The following SEMA3D variants were observed in gnomAD, a reference collection of about 807,000 sequenced individuals.
The protein encoded by SEMA3D is semaphorin 3D.
A neutral mutation model predicts 100.1 loss-of-function variants in SEMA3D; 84 were observed. The observed-to-expected ratio is 0.84, with a 90% CI of 0.70 to 1.01. The LOEUF (loss-of-function observed/expected upper bound fraction) is 1.01, where lower values mean the gene tolerates loss of function less well. Ranked by LOEUF, SEMA3D falls within the 50% of genes least tolerant of loss-of-function variation. The probability of loss-of-function intolerance (pLI) is 0.00; values close to 1 mark genes in which losing one functional copy is unlikely to be tolerated. For synonymous variants in SEMA3D, 312 were observed against 320.7 expected (o/e 0.97, Z 0.29); for missense variants, 875 against 934.1 (o/e 0.94, Z 0.82).
At chr7:85,210,219 A>G in the SEMA3D span, among the ~76,000 whole-genome samples, 40 of 152,232 alleles carry the variant, frequency 2.6e-4, no homozygotes, top group South Asian at 8.3e-3. Context: ...CTGGGTCTCT[A>G]CATTAGGGAA....
chr7:85,131,444 G>T (rs1789722590), intron 2 of SEMA3D, among the ~76,000 whole-genome samples: 1 of 151,914 alleles, frequency 6.6e-6, no homozygotes, highest in Admixed American at 6.6e-5. Context: ...AATTTATCAA[G>T]AAAGAGAAAA....
At chr7:85,098,047 A>T in intron 3 of SEMA3D, 82 bp from the exon 4 acceptor site, 3 of 736,822 alleles carry the variant, frequency 4.1e-6, no homozygotes, top group Non-Finnish European at 6.3e-6. Context: ...AGAAGAAAGA[A>T]AAAGAAAGGA....
At chr7:85,114,928 C>T (rs1234814756) in intron 3 of SEMA3D, among the ~76,000 whole-genome samples, 2 of 151,982 alleles carry the variant, frequency 1.3e-5, no homozygotes, top group East Asian at 3.9e-4. Context: ...AATCACTTTT[C>T]TATGAAATTT....
At chr7:85,005,878 G>A (rs147702972) in intron 18 of SEMA3D, among the ~76,000 whole-genome samples, 23 of 152,070 alleles carry the variant, frequency 1.5e-4, no homozygotes, top group Non-Finnish European at 3.2e-4. Context: ...ATGTACTAAT[G>A]TTTGACTTAA....
At chr7:85,019,537 T>G (rs1452757270) in intron 14 of SEMA3D, among the ~76,000 whole-genome samples, 1 of 151,782 alleles carries the variant, frequency 6.6e-6, no homozygotes, top group African/African-American at 2.4e-5. Context: ...CAATCCATTT[T>G]AATAAACTGT....
At chr7:85,066,531 G>T (rs1358730714) in intron 7 of SEMA3D, among the ~76,000 whole-genome samples, 2 of 151,972 alleles carry the variant, frequency 1.3e-5, no homozygotes, top group African/African-American at 4.8e-5. Context: ...GGAGGGGCAG[G>T]AAGAAGGCTG....
chr7:85,049,891 C>A (rs748665593), intron 9 of SEMA3D, among the ~76,000 whole-genome samples: 3 of 151,782 alleles, frequency 2.0e-5, no homozygotes, highest in East Asian at 3.9e-4. Context: ...AAAAAGAGAA[C>A]TGGCATAACC....
At chr7:85,120,749 GATA>G (rs1789386803) in intron 3 of SEMA3D, among the ~76,000 whole-genome samples, 1 of 150,170 alleles carries the variant, frequency 6.7e-6, no homozygotes. Context: ...AATTTTTCCA[GATA>G]AAAACGTCCT....
chr7:85,213,294 TA>T, the SEMA3D span, among the ~76,000 whole-genome samples: 1 of 152,010 alleles, frequency 6.6e-6, no homozygotes, highest in Non-Finnish European at 1.5e-5. Context: ...AAGACTTTAC[TA>T]GATTTTTGAA....
At chr7:85,122,558 T>C (rs908617148) in intron 2 of SEMA3D, among the ~76,000 whole-genome samples, 2 of 152,206 alleles carry the variant, frequency 1.3e-5, no homozygotes, top group Non-Finnish European at 2.9e-5. Context: ...CCACTTTCAC[T>C]GGTAGAAGCC....
chr7:85,122,066 A>G (rs1789435258), intron 2 of SEMA3D, 135 bp from the exon 3 acceptor site: 2 of 518,930 alleles, frequency 3.9e-6, no homozygotes, highest in Non-Finnish European at 6.7e-6. Flanking sequence ...GGAGGGGAAC[A>G]TAGCATACCA....
At chr7:85,177,570 TA>T (rs1441567961) in intron 1 of SEMA3D, among the ~76,000 whole-genome samples, 2 of 152,154 alleles carry the variant, frequency 1.3e-5, no homozygotes, top group Admixed American at 1.3e-4. Context: ...AAGACAGATG[TA>T]AAAAATGCAC....
chr7:85,233,924 G>T, the SEMA3D span, among the ~76,000 whole-genome samples: 1 of 152,138 alleles, frequency 6.6e-6, no homozygotes. Context: ...TAGATCAGGG[G>T]AAAATGCCAT....
intron 3 of SEMA3D, among the ~76,000 whole-genome samples, chr7:85,105,292 A>G (rs890548795): frequency 2.0e-5 from 3 of 152,170 alleles, no homozygotes; most frequent in African/African-American, 7.2e-5. Context: ...GCTTCTGCCC[A>G]TAACTTCCAG....
chr7:85,097,489 T>C (rs921660162), intron 4 of SEMA3D, among the ~76,000 whole-genome samples: 2 of 151,918 alleles, frequency 1.3e-5, no homozygotes, highest in African/African-American at 2.4e-5. Flanking sequence ...AACTAATTTG[T>C]CATTTCTTCA....
chr7:85,133,257 C>G (rs1466989659), intron 2 of SEMA3D, among the ~76,000 whole-genome samples: 1 of 151,934 alleles, frequency 6.6e-6, no homozygotes, highest in Non-Finnish European at 1.5e-5. Flanking sequence ...AGTTTCTGAG[C>G]TGTGTTTAGT....
At chr7:85,189,269 C>T (rs534396541), upstream of SEMA3D, among the ~76,000 whole-genome samples, 14 of 152,094 alleles carry the variant, frequency 9.2e-5, no homozygotes, top group South Asian at 2.1e-4. Flanking sequence ...GTGTGTTAAA[C>T]GAGTTAATAA....
At chr7:85,049,439 A>C (rs1364622475) in intron 9 of SEMA3D, among the ~76,000 whole-genome samples, 2 of 151,860 alleles carry the variant, frequency 1.3e-5, no homozygotes, top group Non-Finnish European at 2.9e-5. Context: ...TCTAAGATTT[A>C]GCACATTCAG....
At position 85,157,554 on chromosome 7, in the gene SEMA3D, G is replaced by A. The variant is rs145800606; in HGVS notation, c.-172-3815C>T. ...TAATACTCTGATGTCTGAGCTTTTC[G>A]CACCATGTCCCAATATGATCTCATA... On this transcript the variant is annotated intron_variant, in intron 1 of 18. Coordinates refer to ENST00000284136, the MANE Select transcript of SEMA3D (RefSeq NM_001384900.1). 2.1e-3 allele frequency: 1,012 copies of A among 473,424 alleles called. 11 individuals are homozygous for A. Among genetic ancestry groups the A allele is most frequent in the African/African-American group, 0.02 (944 of 47,824 alleles). 29.3% of individuals were successfully genotyped at this position (473,424 alleles called of 1,614,324 possible).
Sources: gnomAD v4.1 joint callset for allele counts (sites outside exome capture counted in the v4.1 genomes callset) on GRCh38, gnomAD v4.1.1 for gene constraint, MANE v1.5 for transcripts, NCBI Gene and HGNC (gene_info 2026-07-23, HGNC 2026-07-21) for gene names.